Variants in ARID1B observed in about 807,000 individuals in gnomAD.
ARID1B encodes AT-rich interactive domain-containing protein 1B.
Under a neutral mutation model 212.3 loss-of-function variants are expected in ARID1B, and 30 were observed. The ratio of observed to expected loss-of-function variants is 0.14; its 90% CI spans 0.11 to 0.19. ARID1B has a LOEUF of 0.19. ARID1B is among the 10% of genes least tolerant of loss of function. The probability of loss-of-function intolerance (pLI) is 1.00; values close to 1 mark genes in which losing one functional copy is unlikely to be tolerated. For missense variants in ARID1B, 2,891 were observed against 3,204.0 expected, an observed-to-expected ratio of 0.90 and a Z score of 2.36; for synonymous variants, 1,402 against 1,301.7, an observed-to-expected ratio of 1.08 and a Z score of -1.66.
At chr6:156,846,155 G>T (rs113457781) in intron 2 of ARID1B, among the ~76,000 whole-genome samples, 14 of 141,250 alleles carry the variant, frequency 9.9e-5, no homozygotes, top group African/African-American at 2.2e-4. Flanking sequence ...TATTTTTTTT[G>T]TTTGTTTGTT....
At chr6:156,791,702 C>T (rs1315207696) in intron 1 of ARID1B, among the ~76,000 whole-genome samples, 7 of 152,164 alleles carry the variant, frequency 4.6e-5, no homozygotes, top group Non-Finnish European at 8.8e-5. Flanking sequence ...TCAGCGTGTA[C>T]AGGCAGGCAA....
chr6:157,198,861 A>G lies in ARID1B; in HGVS notation c.4433A>G (p.Gln1478Arg), dbSNP rs1011344782. The G allele has an allele frequency of 6.2e-7, 1 of 1,611,220 alleles. No homozygotes were observed. Among genetic ancestry groups the G allele is most frequent in the Non-Finnish European group, 8.5e-7 (1 of 1,179,064 alleles). The change falls in exon 17 of 20, where the codon CAG becomes CGG. Residue 1478 changes from glutamine (Q) to arginine (R), a missense_variant. This residue lies in a region of ARID1B where 666 missense variants were observed against 873.5 expected (regional missense o/e 0.76). Transcript: ENST00000636930. Reference protein sequence around the residue: ...QYPGQGPPSGQPPYGGHQPGL... With the variant: ...QYPGQGPPSGRPPYGGHQPGL... Reference sequence around the variant, plus strand: ...CCAGGCCAAGGCCCTCCCTCGGGACAGCCGCCGTATGGAGGGCACCAGCCC... The same window carrying G: ...CCAGGCCAAGGCCCTCCCTCGGGACGGCCGCCGTATGGAGGGCACCAGCCC...
chr6:157,022,671 C>T (rs1050965378), intron 4 of ARID1B: 1 of 152,220 alleles, frequency 6.6e-6, no homozygotes, highest in Admixed American at 6.5e-5. Context: ...TTTGGTTTTA[C>T]ACTTTTTGTT....
At chr6:156,787,979 C>T (rs1779757127) in intron 1 of ARID1B, among the ~76,000 whole-genome samples, 1 of 152,134 alleles carries the variant, frequency 6.6e-6, no homozygotes, top group Admixed American at 6.5e-5. Flanking sequence ...GGATGTCTAT[C>T]TGTGGCATCT....
chr6:157,152,079 C>A (rs1188112576), intron 8 of ARID1B: 2 of 152,124 alleles, frequency 1.3e-5, no homozygotes, highest in East Asian at 3.9e-4. Context: ...TCTTGTGGTA[C>A]CTTCAAGGTC....
chr6:156,997,362 C>A (rs1205396288), intron 4 of ARID1B, among the ~76,000 whole-genome samples: 3 of 152,182 alleles, frequency 2.0e-5, no homozygotes, highest in East Asian at 3.8e-4. Context: ...ATTTCCTATT[C>A]TGTAAATAAA....
intron 12 of ARID1B, among the ~76,000 whole-genome samples, chr6:157,182,105 C>T (rs921180086): frequency 5.3e-5 from 8 of 152,022 alleles, no homozygotes; most frequent in Admixed American, 2.0e-4. Flanking sequence ...AAAACTTAGC[C>T]GGGCGTGGTG....
Position 156,901,224 on chromosome 6 carries a change from G to C in ARID1B, c.1987-152G>C. On this transcript the variant is annotated intron_variant, in intron 2 of 19. Coordinates refer to ENST00000636930, the MANE Select transcript of ARID1B (RefSeq NM_001374828.1). Reference sequence around the variant, plus strand: ...TTATAGTATGTGAATAGAAAGCAGCGTGTCGATTTGTTTAAGGAAGAGAGG... The same window carrying C: ...TTATAGTATGTGAATAGAAAGCAGCCTGTCGATTTGTTTAAGGAAGAGAGG... 4 of 866,806 alleles carry C rather than the reference G, an allele frequency of 4.6e-6. No homozygotes were observed. The Admixed American group carries it at 8.6e-5, about 19-fold the overall frequency. The allele number at this position is 866,806 out of a possible 1,614,324, so 53.7% of individuals were successfully genotyped here.
intron 5 of ARID1B, among the ~76,000 whole-genome samples, chr6:157,102,377 G>A (rs1217280752): frequency 6.6e-6 from 1 of 152,164 alleles, no homozygotes; most frequent in Non-Finnish European, 1.5e-5. Context: ...CCTGCTAAAT[G>A]TACTTACCAT....
chr6:157,006,225 C>T (rs1779245258), intron 4 of ARID1B, among the ~76,000 whole-genome samples: 1 of 152,162 alleles, frequency 6.6e-6, no homozygotes, highest in Non-Finnish European at 1.5e-5. Flanking sequence ...GGCAGTTTCA[C>T]ACAATCTGTT....
intron 8 of ARID1B, chr6:157,149,168 G>C (rs1790020510): frequency 3.4e-6 from 2 of 582,378 alleles, no homozygotes; most frequent in Non-Finnish European, 6.1e-6. Flanking sequence ...AGGAATGTGA[G>C]CGGTGAGCAC....
At chr6:157,109,981 A>C (rs1396355810) in intron 5 of ARID1B, among the ~76,000 whole-genome samples, 1 of 152,196 alleles carries the variant, frequency 6.6e-6, no homozygotes, top group Non-Finnish European at 1.5e-5. Context: ...TTTGTTTCTT[A>C]ATGGAGGTCT....
At chr6:157,096,193 G>C (rs1785617898) in intron 5 of ARID1B, among the ~76,000 whole-genome samples, 1 of 152,216 alleles carries the variant, frequency 6.6e-6, no homozygotes, top group Non-Finnish European at 1.5e-5. Flanking sequence ...CTCTCCCTCA[G>C]GGCTGCCCCA....
chr6:156,989,228 A>G (rs1336738860), intron 4 of ARID1B, among the ~76,000 whole-genome samples: 2 of 152,116 alleles, frequency 1.3e-5, no homozygotes, highest in African/African-American at 2.4e-5. Flanking sequence ...CAGCCACACT[A>G]TGTCTCTACT....
intron 4 of ARID1B, among the ~76,000 whole-genome samples, chr6:157,063,547 T>A (rs1236552527): frequency 6.6e-6 from 1 of 152,240 alleles, no homozygotes; most frequent in East Asian, 1.9e-4. Context: ...GTGAGTTTAA[T>A]TCTATTATAC....
intron 4 of ARID1B, among the ~76,000 whole-genome samples, chr6:157,035,730 C>T (rs1377864936): frequency 6.6e-6 from 1 of 152,190 alleles, no homozygotes; most frequent in Non-Finnish European, 1.5e-5. Context: ...TAGTATCTTT[C>T]TTTTGCTTTC....
intron 4 of ARID1B, among the ~76,000 whole-genome samples, chr6:157,039,899 C>T (rs1781755051): frequency 2.3e-5 from 3 of 131,494 alleles, no homozygotes; most frequent in African/African-American, 2.9e-5. Flanking sequence ...TCCTTCCTTC[C>T]TTCCTTCCTT....
chr6:156,977,083 C>T, intron 4 of ARID1B: 1 of 208,614 alleles, frequency 4.8e-6, no homozygotes, highest in Non-Finnish European at 8.8e-6. Flanking sequence ...GGATGTAATA[C>T]ATATTTACAA....
At chr6:157,066,100 C>T (rs1034676916) in intron 4 of ARID1B, among the ~76,000 whole-genome samples, 1 of 152,156 alleles carries the variant, frequency 6.6e-6, no homozygotes, top group Non-Finnish European at 1.5e-5. Flanking sequence ...TGTTTAGTCT[C>T]CCCACAGAAA....
Sources: allele counts gnomAD v4.1 joint callset (sites outside exome capture counted in the v4.1 genomes callset), GRCh38; gene constraint gnomAD v4.1.1; regional missense constraint gnomAD v4.1.1; transcripts MANE v1.5; gene names NCBI Gene and HGNC (gene_info 2026-07-23, HGNC 2026-07-21).